Variants in SH2B2 observed in about 807,000 individuals in gnomAD.
The protein encoded by SH2B2 is SH2B adapter protein 2.
A neutral mutation model predicts 35.7 loss-of-function variants in SH2B2; 37 were observed. The ratio of observed to expected loss-of-function variants is 1.04; its 90% CI spans 0.80 to 1.36. SH2B2 has a LOEUF of 1.36. Among genes scored for constraint, SH2B2 ranks in the 40% most tolerant of loss-of-function variants. SH2B2 has a pLI of 0.00. For missense variants in SH2B2, 852 were observed against 817.7 expected (o/e 1.04, Z -0.51); for synonymous variants, 383 against 376.4 (o/e 1.02, Z -0.20).
intron 1 of SH2B2, among the ~76,000 whole-genome samples, chr7:102,287,796 G>A (rs1313628572): frequency 6.6e-6 from 1 of 152,234 alleles, no homozygotes; most frequent in Non-Finnish European, 1.5e-5. Context: ...CAGAGGCAGG[G>A]ACGCATCCTG....
chr7:102,287,354 T>G, intron 1 of SH2B2, among the ~76,000 whole-genome samples: 1 of 151,984 alleles, frequency 6.6e-6, no homozygotes, highest in East Asian at 1.9e-4. Context: ...CCGAGCCGCC[T>G]CTGGAGCAGC....
At position 102,317,753 on chromosome 7, in the gene SH2B2, AC is replaced by A. The variant is rs144289148; in HGVS notation, c.1395+361del. Among the ~76,000 whole-genome samples, 194 of 152,250 alleles carry A rather than the reference AC, an allele frequency of 1.3e-3. 1 individual carries two copies. The highest frequency in any genetic ancestry group is 4.4e-3 in the African/African-American group (184 of 41,550). ...AGCACTGGAGCTTCGGAGGGTCTCC[AC>A]CCAGAGATCGCCCAGTGGGGGGTGG... On this transcript the variant is annotated intron_variant, in intron 7 of 8. Coordinates refer to ENST00000444095, the MANE Select transcript of SH2B2 (RefSeq NM_001359228.2).
In SH2B2 at chr7:102,306,654, C is replaced by T. The variant is rs1360881220; in HGVS notation, c.730-67C>T. 61 of 1,168,620 alleles carry T rather than the reference C, an allele frequency of 5.2e-5. No individual in the cohort carries two copies. The East Asian group carries it at 1.0e-3, about 20-fold the overall frequency. 72.4% of individuals were successfully genotyped at this position (1,168,620 alleles called of 1,614,324 possible). ...TGAGGGCCACTCTAACACCTGGCAG[C>T]GGGGAGGGGATGGAAAGGGTGTCGG... On this transcript the variant is annotated intron_variant, in intron 2 of 8. Transcript: ENST00000444095.
chr7:102,313,317 G>A lies in SH2B2; in HGVS notation c.924-1019G>A, dbSNP rs1321930300. On this transcript the variant is annotated intron_variant, in intron 4 of 8. Coordinates refer to ENST00000444095, the MANE Select transcript of SH2B2 (RefSeq NM_001359228.2). The stretch of plus-strand genomic sequence containing the variant: ...AAAAAAATTAGCTGGGCATGGTGGC[G>A]CATGCTTGTGATCCCAGCTACTCAG... Among the ~76,000 whole-genome samples the A allele has an allele frequency of 2.9e-4, 43 of 150,168 alleles. No homozygotes were observed. In the Middle Eastern group the frequency reaches 0.018, roughly 63 times the overall value.
intron 6 of SH2B2, 74 bp from the exon 7 acceptor site, chr7:102,317,113 C>T (rs782477303): frequency 6.4e-6 from 8 of 1,240,682 alleles, no homozygotes; most frequent in Non-Finnish European, 9.0e-6. Context: ...GACGTCACCT[C>T]TCTTCTCACA....
rs532520597 is a variant in SH2B2, at chr7:102,306,289, A to C, written c.730-432A>C. ...TTTTTAGTAGAGATGGGGTTTCTCC[A>C]TGTTGGTCAGGCTGGTCTCAAACTC... On this transcript the variant is annotated intron_variant, in intron 2 of 8. Coordinates refer to ENST00000444095, the MANE Select transcript of SH2B2 (RefSeq NM_001359228.2). Among the ~76,000 whole-genome samples, 4 of 152,146 alleles carry C rather than the reference A, an allele frequency of 2.6e-5. No homozygotes were observed. In the East Asian group the frequency reaches 5.8e-4, roughly 22 times the overall value.
Position 102,321,623 on chromosome 7 carries a change from T to C in SH2B2, c.1892T>C (p.Phe631Ser), listed in dbSNP as rs1414047763. The C allele has an allele frequency of 4.2e-5, 48 of 1,146,534 alleles. No homozygotes were observed. The highest frequency in any genetic ancestry group is 4.8e-5 in the Non-Finnish European group (45 of 932,224). 71.0% of individuals were successfully genotyped at this position (1,146,534 alleles called of 1,614,324 possible). Residue 631 changes from phenylalanine (F) to serine (S), a missense_variant, in exon 9 of 9, where the codon TTC becomes TCC. Phe to Ser is a radical substitution (Grantham distance 155). This residue lies in a region of SH2B2 where 556 missense variants were observed against 514.5 expected (regional missense o/e 1.08). Coordinates refer to ENST00000444095, the MANE Select transcript of SH2B2 (RefSeq NM_001359228.2). Reference protein sequence around the residue: ...RARAVENQYSFY With the variant: ...RARAVENQYSSY ...CGCGCCGTGGAGAACCAGTACTCCT[T>C]CTACTAGCCCGCGGCGCCGCCCGGG...
chr7:102,298,372 C>T (rs1793004860), intron 1 of SH2B2, among the ~76,000 whole-genome samples: 1 of 152,186 alleles, frequency 6.6e-6, no homozygotes. Flanking sequence ...AGCGATTCTG[C>T]CACTTCAGTC....
chr7:102,291,366 G>A (rs111888377), intron 1 of SH2B2, among the ~76,000 whole-genome samples: 1 of 152,210 alleles, frequency 6.6e-6, no homozygotes, highest in Non-Finnish European at 1.5e-5. Context: ...GCCTCCAAGC[G>A]ATGCTGCTCA....
intron 1 of SH2B2, among the ~76,000 whole-genome samples, chr7:102,287,401 G>A (rs1278584597): frequency 6.6e-6 from 1 of 152,306 alleles, no homozygotes; most frequent in East Asian, 1.9e-4. Context: ...CGGCCGGGTA[G>A]TGGGGCGAGA....
At chr7:102,285,293 C>T (rs1792398916), upstream of SH2B2, 10 of 1,456,924 alleles carry the variant, frequency 6.9e-6, no homozygotes, top group Middle Eastern at 1.7e-4. Flanking sequence ...TCCCCTCTCC[C>T]AGGAGGGTGG....
chr7:102,299,084 A>G (rs1793039606), intron 1 of SH2B2, among the ~76,000 whole-genome samples: 1 of 147,386 alleles, frequency 6.8e-6, no homozygotes, highest in African/African-American at 2.5e-5. Flanking sequence ...TATTTTTAGT[A>G]GAGATGGGGT....
At chr7:102,291,305 G>A (rs962277528) in intron 1 of SH2B2, among the ~76,000 whole-genome samples, 20 of 152,356 alleles carry the variant, frequency 1.3e-4, no homozygotes, top group African/African-American at 4.8e-4. Flanking sequence ...AAGGCTGAGC[G>A]TGGCATGAGA....
rs2133060647 is a variant in SH2B2 at position 102,321,659 on chromosome 7, C to G, written c.*29C>G. 8 of 1,124,060 alleles carry G rather than the reference C, an allele frequency of 7.1e-6. No homozygotes were observed. The South Asian group carries it at 2.9e-4, about 41-fold the overall frequency. 69.6% of individuals were successfully genotyped at this position (1,124,060 alleles called of 1,614,324 possible). On this transcript the variant is annotated 3_prime_UTR_variant, in exon 9 of 9. Coordinates refer to ENST00000444095, the MANE Select transcript of SH2B2 (RefSeq NM_001359228.2). ...GCGGCGCCGCCCGGGTGGGACACGC[C>G]AAGCTCTTCAGTGAAGACACGATGT...
chr7:102,314,301 C>T (rs1586599212), intron 4 of SH2B2, 35 bp from the exon 5 acceptor site: 3 of 398,552 alleles, frequency 7.5e-6, no homozygotes, highest in Middle Eastern at 6.2e-4. Flanking sequence ...CCAAGTCCCA[C>T]GGCAGGACAT....
chr7:102,306,379 G>A (rs548516078), intron 2 of SH2B2, among the ~76,000 whole-genome samples: 21 of 151,942 alleles, frequency 1.4e-4, no homozygotes, highest in Non-Finnish European at 2.2e-4. Flanking sequence ...GTGAGCCACC[G>A]CACCCAGCCC....
intron 8 of SH2B2, 124 bp from the exon 9 acceptor site, chr7:102,321,175 C>A (rs1418050608): frequency 2.3e-6 from 2 of 854,426 alleles, no homozygotes; most frequent in Non-Finnish European, 1.6e-6. Context: ...CATATGTGTC[C>A]GAGGACATGG....
At chr7:102,316,518 C>T (rs928233032) in intron 6 of SH2B2, among the ~76,000 whole-genome samples, 1 of 151,700 alleles carries the variant, frequency 6.6e-6, no homozygotes, top group African/African-American at 2.4e-5. Context: ...ACCTGCAAGA[C>T]GGAGGTTGCA....
intron 2 of SH2B2, among the ~76,000 whole-genome samples, chr7:102,304,733 C>T (rs2132974876): frequency 6.6e-6 from 1 of 152,362 alleles, no homozygotes; most frequent in East Asian, 1.9e-4. Context: ...GCTTCCAGTC[C>T]AGGCCTCCAC....
Sources: allele counts gnomAD v4.1 joint callset (sites outside exome capture counted in the v4.1 genomes callset), GRCh38; gene constraint gnomAD v4.1.1; regional missense constraint gnomAD v4.1.1; transcripts MANE v1.5; gene names NCBI Gene and HGNC (gene_info 2026-07-23, HGNC 2026-07-21).